The following ATG7 variants were observed in gnomAD, a reference collection of about 807,000 sequenced individuals.
The protein encoded by ATG7 is autophagy related 7.
Under a neutral mutation model 82.4 loss-of-function variants are expected in ATG7, and 70 were observed. The observed-to-expected ratio is 0.85, with a 90% CI of 0.70 to 1.04. The LOEUF (loss-of-function observed/expected upper bound fraction) is 1.04. ATG7 is among the 50% of genes least tolerant of loss of function. ATG7 has a pLI of 0.00. For missense variants in ATG7, 792 were observed against 864.3 expected (o/e 0.92, Z 1.05); for synonymous variants, 287 against 313.0 (o/e 0.92, Z 0.88).
intron 19 of ATG7, among the ~76,000 whole-genome samples, chr3:11,422,766 T>C (rs1576306490): frequency 1.3e-5 from 1 of 79,500 alleles, no homozygotes; most frequent in Non-Finnish European, 2.9e-5. Context: ...TTTTTTTTTT[T>C]TTTGGAGACA....
chr3:11,467,509 T>C (rs917165705), intron 20 of ATG7, among the ~76,000 whole-genome samples: 27 of 152,172 alleles, frequency 1.8e-4, no homozygotes, highest in Non-Finnish European at 3.8e-4. Flanking sequence ...CCCGAGTAGC[T>C]GGATTATAGG....
At position 11,426,763 on chromosome 3, in the gene ATG7, A is replaced by G. The variant is rs2082395698; in HGVS notation, c.1957-41A>G. 15 of 1,509,288 alleles carry G rather than the reference A, an allele frequency of 9.9e-6. 1 individual carries two copies. In the African/African-American group the frequency reaches 1.6e-4, roughly 16 times the overall value. The allele number at this position is 1,509,288 out of a possible 1,614,324, so 93.5% of individuals were successfully genotyped here. ...TGAAAGTCTTTTAATTTGCATTTTA[A>G]GTCTGGAGACTCCTTTTTAAAAAAT... On this transcript the variant is annotated intron_variant, in intron 19 of 20. Transcript: ENST00000693202.
chr3:11,393,743 C>T (rs752599763), intron 19 of ATG7, among the ~76,000 whole-genome samples: 6 of 151,758 alleles, frequency 4.0e-5, no homozygotes, highest in South Asian at 2.1e-4. Context: ...TGCAGAGGTG[C>T]GATCTTGGCT....
At position 11,463,138 on chromosome 3, in the gene ATG7, G is replaced by A. The variant is rs180719472; in HGVS notation, c.2079+36212G>A. ...GATCTCAGGTGATCTGCCCTCCTCC[G>A]CCTCCCAAAGTGCTGGGATTACAGG... On this transcript the variant is annotated intron_variant, in intron 20 of 20. Coordinates refer to ENST00000693202, the MANE Select transcript of ATG7 (RefSeq NM_001349232.2). Among the ~76,000 whole-genome samples, 669 of 152,006 alleles carry A rather than the reference G, an allele frequency of 4.4e-3. 10 individuals carry two copies. Among genetic ancestry groups the A allele is most frequent in the Non-Finnish European group, 4.8e-3 (329 of 67,968 alleles).
Position 11,555,127 on chromosome 3 carries a change from T to C in ATG7, c.*284T>C, listed in dbSNP as rs1575321062. On this transcript the variant is annotated 3_prime_UTR_variant, in exon 21 of 21. Transcript: ENST00000693202. Reference sequence around the variant, plus strand: ...TTTTATTTCTTGTCACAGTGACTGATAGCCATCCCCCAGGATCCTTTCCCC... The same window carrying C: ...TTTTATTTCTTGTCACAGTGACTGACAGCCATCCCCCAGGATCCTTTCCCC... The C allele has an allele frequency of 4.3e-6, 2 of 461,722 alleles. No homozygotes were observed. Among genetic ancestry groups the C allele is most frequent in the East Asian group, 3.8e-5 (1 of 26,346 alleles). The allele number at this position is 461,722 out of a possible 1,614,324, so 28.6% of individuals were successfully genotyped here. A position where few individuals can be genotyped will look rare whatever the true frequency, so the allele number is the denominator to read the frequency against.
At chr3:11,349,212 C>T (rs1263857037) in intron 14 of ATG7, among the ~76,000 whole-genome samples, 2 of 144,758 alleles carry the variant, frequency 1.4e-5, no homozygotes, top group African/African-American at 5.1e-5. Flanking sequence ...GGTGCATTTA[C>T]AATCCTCTAG....
intron 20 of ATG7, among the ~76,000 whole-genome samples, chr3:11,493,046 G>T (rs1397172547): frequency 6.6e-6 from 1 of 152,178 alleles, no homozygotes; most frequent in Non-Finnish European, 1.5e-5. Flanking sequence ...AGCCTTTTTG[G>T]GTACCCACAC....
At chr3:11,273,465 C>T (rs1272755177) in intron 1 of ATG7, among the ~76,000 whole-genome samples, 1 of 152,104 alleles carries the variant, frequency 6.6e-6, no homozygotes, top group Non-Finnish European at 1.5e-5. Flanking sequence ...ATTTAATTGC[C>T]CTATACATCA....
At chr3:11,529,194 A>G (rs759535215) in intron 20 of ATG7, among the ~76,000 whole-genome samples, 2 of 152,212 alleles carry the variant, frequency 1.3e-5, no homozygotes, top group African/African-American at 2.4e-5. Flanking sequence ...GGCACCTCCA[A>G]AGCCAGCCAG....
intron 6 of ATG7, 81 bp downstream of exon 6, chr3:11,307,141 C>T (rs1021585475): frequency 7.6e-7 from 1 of 1,309,650 alleles, no homozygotes; most frequent in Non-Finnish European, 1.1e-6. Context: ...GCACATGGGT[C>T]TGCTGCAGAA....
Position 11,380,007 on chromosome 3 carries a change from TC to T in ATG7, c.1914del (p.Val639SerfsTer27). The T allele has an allele frequency of 6.2e-7, 1 of 1,614,186 alleles. No individual in the cohort carries two copies. Among genetic ancestry groups the T allele is most frequent in the Non-Finnish European group, 8.5e-7 (1 of 1,180,020 alleles). On this transcript the variant is annotated frameshift_variant, in exon 19 of 21. Coordinates refer to ENST00000693202, the MANE Select transcript of ATG7 (RefSeq NM_001349232.2). LOFTEE classifies it high-confidence loss of function. Reference sequence around the variant, plus strand: ...TTCTTTCACGGTTTGATAATGTCCTTCCCGTCAGCCTGGCATTTGACAAATG... The same window carrying T: ...TTCTTTCACGGTTTGATAATGTCCTTCCGTCAGCCTGGCATTTGACAAATG... ...GFLSRFDNVL[P>X]VSLAFDKCTA...
chr3:11,521,023 C>T lies in ATG7; in HGVS notation c.2080-33788C>T, dbSNP rs775213543. Reference sequence around the variant, plus strand: ...CGCAGGAGCTTGAGAGGGAGAATAGCAGAGTGGACAGCTGTAGACCATTGG... The same window carrying T: ...CGCAGGAGCTTGAGAGGGAGAATAGTAGAGTGGACAGCTGTAGACCATTGG... On this transcript the variant is annotated intron_variant, in intron 20 of 20. Transcript: ENST00000693202. Among the ~76,000 whole-genome samples the T allele has an allele frequency of 4.1e-4, 62 of 152,200 alleles. 1 individual carries two copies. The highest frequency in any genetic ancestry group is 1.2e-4 in the Non-Finnish European group (8 of 68,040).
At chr3:11,479,712 G>T (rs553959728) in intron 20 of ATG7, among the ~76,000 whole-genome samples, 35 of 152,270 alleles carry the variant, frequency 2.3e-4, no homozygotes, top group Non-Finnish European at 3.4e-4. Context: ...AGGAGCTTTA[G>T]CAAAAGAAAA....
chr3:11,524,586 C>T (rs958181953), intron 20 of ATG7, among the ~76,000 whole-genome samples: 4 of 152,018 alleles, frequency 2.6e-5, no homozygotes, highest in Non-Finnish European at 5.9e-5. Context: ...TGGTGAAACC[C>T]CATCTCTCCT....
intron 5 of ATG7, among the ~76,000 whole-genome samples, chr3:11,305,989 T>G (rs1297986637): frequency 6.6e-6 from 1 of 152,238 alleles, no homozygotes; most frequent in African/African-American, 2.4e-5. Context: ...AATGAATATT[T>G]TCATTTAACA....
intron 18 of ATG7, 44 bp from the exon 19 acceptor site, chr3:11,379,928 C>A: frequency 6.4e-7 from 1 of 1,571,274 alleles, no homozygotes; most frequent in South Asian, 1.1e-5. Context: ...TAGATGTGGT[C>A]GTTGTGTGTT....
intron 20 of ATG7, chr3:11,476,999 T>A: frequency 1.1e-6 from 1 of 946,070 alleles, no homozygotes; most frequent in Middle Eastern, 2.6e-4. Flanking sequence ...CCCTCTTTAT[T>A]ACAGTGTTTT....
intron 20 of ATG7, among the ~76,000 whole-genome samples, chr3:11,533,539 TA>T (rs66794993): frequency 0.54 from 68,145 of 126,348 alleles, 17,879 homozygotes; most frequent in East Asian, 0.61. Context: ...CCCCTTCTGT[TA>T]AAAAAAAAAA....
intron 3 of ATG7, among the ~76,000 whole-genome samples, chr3:11,285,451 G>C (rs1326026339): frequency 6.6e-6 from 1 of 152,056 alleles, no homozygotes; most frequent in East Asian, 1.9e-4. Context: ...GGGATTACAG[G>C]TGTGAGCCAC....
Sources: allele counts gnomAD v4.1 joint callset (sites outside exome capture counted in the v4.1 genomes callset), GRCh38; gene constraint gnomAD v4.1.1; transcripts MANE v1.5; gene names NCBI Gene and HGNC (gene_info 2026-07-23, HGNC 2026-07-21).